The following GALNT13 variants were observed in gnomAD, a reference collection of about 807,000 sequenced individuals.
GALNT13 encodes the protein UDP-GalNAc:polypeptide N-acetylgalactosaminyltransferase 13.
GALNT13 carries 28 observed loss-of-function variants against 64.2 expected under a neutral mutation model. That is an observed-to-expected ratio of 0.44 (90% confidence interval 0.32 to 0.60). The LOEUF is 0.60. Ranked by LOEUF, GALNT13 falls within the 20% of genes least tolerant of loss-of-function variation. GALNT13 has a pLI of 0.05. For missense variants in GALNT13, 577 were observed against 669.8 expected, an observed-to-expected ratio of 0.86 and a Z score of 1.53; for synonymous variants, 214 against 224.6, an observed-to-expected ratio of 0.95 and a Z score of 0.42.
the GALNT13 span, among the ~76,000 whole-genome samples, chr2:153,784,968 G>A: frequency 6.6e-6 from 1 of 152,186 alleles, no homozygotes; most frequent in South Asian, 2.1e-4. Flanking sequence ...TGGAGAGATG[G>A]CCAGACTCTA....
the GALNT13 span, among the ~76,000 whole-genome samples, chr2:153,415,426 A>G: frequency 3.9e-5 from 6 of 152,232 alleles, no homozygotes; most frequent in Non-Finnish European, 8.8e-5. Context: ...GAAAGCAATT[A>G]TGAAAATGGT....
intron 3 of GALNT13, among the ~76,000 whole-genome samples, chr2:154,054,129 C>A (rs1012483178): frequency 6.6e-6 from 1 of 152,030 alleles, no homozygotes; most frequent in Non-Finnish European, 1.5e-5. Context: ...CTTGCAAACA[C>A]ATTTACTCTT....
chr2:154,015,481 C>T (rs189742981), intron 3 of GALNT13, among the ~76,000 whole-genome samples: 320 of 152,222 alleles, frequency 2.1e-3, no homozygotes, highest in Middle Eastern at 6.8e-3. Flanking sequence ...TATTTGTTGA[C>T]GTCACTGATT....
the GALNT13 span, among the ~76,000 whole-genome samples, chr2:153,775,895 TTC>T: frequency 6.6e-6 from 1 of 152,142 alleles, no homozygotes; most frequent in African/African-American, 2.4e-5. Flanking sequence ...ATTTTATTCT[TTC>T]TTTTTTTAAT....
At chr2:153,736,636 T>C in the GALNT13 span, among the ~76,000 whole-genome samples, 1 of 152,104 alleles carries the variant, frequency 6.6e-6, no homozygotes, top group South Asian at 2.1e-4. Context: ...TATCTATCTA[T>C]CTATCATTTA....
chr2:154,326,348 G>C (rs1694873782), intron 9 of GALNT13, among the ~76,000 whole-genome samples: 1 of 148,084 alleles, frequency 6.8e-6, no homozygotes, highest in Admixed American at 6.7e-5. Context: ...AAAAATACAA[G>C]TTAAATCTGA....
At chr2:154,056,215 A>C (rs1229042024) in intron 3 of GALNT13, among the ~76,000 whole-genome samples, 1 of 152,208 alleles carries the variant, frequency 6.6e-6, no homozygotes, top group Non-Finnish European at 1.5e-5. Context: ...ACCAAAAGTC[A>C]ATATAAGTCT....
At chr2:153,696,460 A>G in the GALNT13 span, among the ~76,000 whole-genome samples, 1 of 152,176 alleles carries the variant, frequency 6.6e-6, no homozygotes, top group East Asian at 1.9e-4. Context: ...ACCTGGGAAC[A>G]ATACATTGTA....
the GALNT13 span, among the ~76,000 whole-genome samples, chr2:153,324,150 ATG>A: frequency 6.6e-6 from 1 of 151,926 alleles, no homozygotes; most frequent in Admixed American, 6.6e-5. Flanking sequence ...CCATTTGCTT[ATG>A]TCCTCTCTAA....
the GALNT13 span, among the ~76,000 whole-genome samples, chr2:153,414,064 C>G: frequency 6.6e-6 from 1 of 152,030 alleles, no homozygotes; most frequent in African/African-American, 2.4e-5. Context: ...TTTTAAACAA[C>G]CTTATTTCTT....
At chr2:153,524,181 A>T in the GALNT13 span, among the ~76,000 whole-genome samples, 6 of 152,308 alleles carry the variant, frequency 3.9e-5, no homozygotes, top group South Asian at 1.2e-3. Context: ...TATATAATTC[A>T]TTCTATACAT....
intron 3 of GALNT13, among the ~76,000 whole-genome samples, chr2:153,994,806 T>C (rs1048399706): frequency 6.6e-6 from 1 of 152,142 alleles, no homozygotes; most frequent in Non-Finnish European, 1.5e-5. Flanking sequence ...TCTTCATAGA[T>C]TCTGGATACT....
chr2:153,875,190 C>T (rs934794518), intron 1 of GALNT13, among the ~76,000 whole-genome samples: 1 of 151,926 alleles, frequency 6.6e-6, no homozygotes, highest in Non-Finnish European at 1.5e-5. Flanking sequence ...CATAATGCCT[C>T]CTAATTCAAA....
intron 3 of GALNT13, among the ~76,000 whole-genome samples, chr2:154,063,471 TTTC>T (rs1700299336): frequency 6.6e-6 from 1 of 152,138 alleles, no homozygotes. Flanking sequence ...CTGCTGGAAT[TTTC>T]TTCTTCCCTT....
At chr2:153,533,705 T>C in the GALNT13 span, among the ~76,000 whole-genome samples, 2 of 145,600 alleles carry the variant, frequency 1.4e-5, no homozygotes, top group African/African-American at 5.0e-5. Context: ...CAAAGTACTT[T>C]GATATCCTGA....
the GALNT13 span, among the ~76,000 whole-genome samples, chr2:153,483,627 G>C: frequency 6.6e-6 from 1 of 151,910 alleles, no homozygotes; most frequent in Non-Finnish European, 1.5e-5. Context: ...TGTTGGTCAG[G>C]CTGGTCCTGA....
At chr2:153,425,674 T>C in the GALNT13 span, among the ~76,000 whole-genome samples, 1 of 151,866 alleles carries the variant, frequency 6.6e-6, no homozygotes, top group African/African-American at 2.4e-5. Flanking sequence ...CTGTGTAAGT[T>C]TTCAGTAATG....
intron 3 of GALNT13, among the ~76,000 whole-genome samples, chr2:153,990,251 A>G (rs1320297768): frequency 6.6e-6 from 1 of 152,122 alleles, no homozygotes; most frequent in Non-Finnish European, 1.5e-5. Context: ...GGCAGCTATC[A>G]TTTTAAAAAT....
chr2:154,292,864 T>A (rs547140515), intron 8 of GALNT13, among the ~76,000 whole-genome samples: 2 of 152,282 alleles, frequency 1.3e-5, no homozygotes, highest in African/African-American at 4.8e-5. Flanking sequence ...CTTATGAAGT[T>A]TATGAACTTT....
Sources: allele counts gnomAD v4.1 joint callset (sites outside exome capture counted in the v4.1 genomes callset), GRCh38; gene constraint gnomAD v4.1.1; transcripts MANE v1.5; gene names NCBI Gene and HGNC (gene_info 2026-07-23, HGNC 2026-07-21).